Variants in NEGR1 observed in about 807,000 individuals in gnomAD.
NEGR1 encodes IgLON family member 4.
Under a neutral mutation model 40.9 loss-of-function variants are expected in NEGR1, and 10 were observed. The ratio of observed to expected loss-of-function variants is 0.24; its 90% CI spans 0.15 to 0.42. NEGR1 has a LOEUF of 0.42. Ranked by LOEUF, NEGR1 falls within the 10% of genes least tolerant of loss-of-function variation. NEGR1 has a pLI of 1.00. For missense variants in NEGR1, 352 were observed against 438.9 expected (o/e 0.80, Z 1.77); for synonymous variants, 185 against 166.8 (o/e 1.11, Z -0.84).
At chr1:71,782,755 G>A (rs1656762016) in intron 2 of NEGR1, among the ~76,000 whole-genome samples, 1 of 152,108 alleles carries the variant, frequency 6.6e-6, no homozygotes, top group Admixed American at 6.6e-5. Context: ...CTGAGAATAT[G>A]GTGAAAATGT....
rs77347586 is a variant in NEGR1, at chr1:71,646,872, A to G, written c.668-35726T>C. On this transcript the variant is annotated intron_variant, in intron 4 of 6. Transcript: ENST00000357731. Reference sequence around the variant, plus strand: ...ATACACAATTGAATTAACAATTCTAACATAAATTATTGTCCCTGCATATAT... The same window carrying G: ...ATACACAATTGAATTAACAATTCTAGCATAAATTATTGTCCCTGCATATAT... Among the ~76,000 whole-genome samples the G allele has an allele frequency of 2.0e-3, 304 of 152,012 alleles. 2 individuals are homozygous for G. In the Middle Eastern group the frequency reaches 0.02, roughly 10 times the overall value.
rs1289319588 is a variant in NEGR1, at chr1:71,405,408, G to A, written c.*2038C>T. On this transcript the variant is annotated 3_prime_UTR_variant, in exon 7 of 7. Coordinates refer to ENST00000357731, the MANE Select transcript of NEGR1 (RefSeq NM_173808.3). ...TTATGGAGTGTGCCACTTTAAAGCT[G>A]CAATACAAAATAATATTTTATAGTT... 6.6e-6 allele frequency: 1 copy of A among 152,038 alleles called. No homozygotes were observed. The highest frequency in any genetic ancestry group is 1.5e-5 in the Non-Finnish European group (1 of 67,716). 9.4% of individuals were successfully genotyped at this position (152,038 alleles called of 1,614,324 possible).
At chr1:72,161,587 C>A (rs1039728294) in intron 1 of NEGR1, among the ~76,000 whole-genome samples, 3 of 151,716 alleles carry the variant, frequency 2.0e-5, no homozygotes, top group African/African-American at 7.3e-5. Context: ...GAAACCCTAC[C>A]CTAGATGTAA....
chr1:71,555,768 C>T (rs1350152231), intron 6 of NEGR1, among the ~76,000 whole-genome samples: 2 of 151,456 alleles, frequency 1.3e-5, no homozygotes, highest in Non-Finnish European at 3.0e-5. Context: ...TTTGATACCC[C>T]TTTTTCGTTT....
At position 72,181,572 on chromosome 1, in the gene NEGR1, C is replaced by T. The variant is rs189032774; in HGVS notation, c.176+100747G>A. Among the ~76,000 whole-genome samples the T allele has an allele frequency of 2.2e-4, 34 of 152,056 alleles. 1 individual carries two copies. Among genetic ancestry groups the T allele is most frequent in the Admixed American group, 1.9e-3 (29 of 15,254 alleles). ...AGAAATCTCACTTTGAGGCATATAC[C>T]CACCCTACTCCCCAAAATGAAATCA... is the stretch of plus-strand genomic sequence containing the variant. On this transcript the variant is annotated intron_variant, in intron 1 of 6. Transcript: ENST00000357731.
At chr1:71,746,699 T>C (rs1240188600) in intron 3 of NEGR1, among the ~76,000 whole-genome samples, 1 of 151,858 alleles carries the variant, frequency 6.6e-6, no homozygotes, top group African/African-American at 2.4e-5. Context: ...TTGAAAAGAA[T>C]ATTTATAAAT....
At chr1:71,789,852 G>A (rs1358836513) in intron 2 of NEGR1, among the ~76,000 whole-genome samples, 2 of 151,978 alleles carry the variant, frequency 1.3e-5, no homozygotes, top group African/African-American at 2.4e-5. Flanking sequence ...TCTGAAAGGT[G>A]GAAAATCCAA....
chr1:72,018,035 A>AT (rs1307193584), intron 1 of NEGR1, among the ~76,000 whole-genome samples: 7 of 152,126 alleles, frequency 4.6e-5, no homozygotes, highest in Admixed American at 3.9e-4. Context: ...AGAGTCTAGG[A>AT]TTTTATCTGG....
chr1:71,772,729 AC>A (rs1292866676), intron 3 of NEGR1, among the ~76,000 whole-genome samples: 1 of 152,084 alleles, frequency 6.6e-6, no homozygotes, highest in East Asian at 1.9e-4. Context: ...GAGATAAAAA[AC>A]ACCTAGAGAT....
At chr1:71,729,198 A>G (rs762035623) in intron 3 of NEGR1, among the ~76,000 whole-genome samples, 4 of 151,926 alleles carry the variant, frequency 2.6e-5, no homozygotes, top group Non-Finnish European at 4.4e-5. Flanking sequence ...TGCTCCTCAC[A>G]CCACCAGTTG....
At chr1:72,099,322 A>G (rs1648838824) in intron 1 of NEGR1, among the ~76,000 whole-genome samples, 1 of 151,940 alleles carries the variant, frequency 6.6e-6, no homozygotes, top group Non-Finnish European at 1.5e-5. Context: ...GCTTACATTC[A>G]TTGTATATTT....
chr1:71,878,449 A>G lies in NEGR1; in HGVS notation c.409+56630T>C, dbSNP rs139894990. On this transcript the variant is annotated intron_variant, in intron 2 of 6. Coordinates refer to ENST00000357731, the MANE Select transcript of NEGR1 (RefSeq NM_173808.3). Reference sequence around the variant, plus strand: ...TTTGCATTGTTAACAAGTTCTCAGGAATGTTGTTATTGCTGGTTCAGCGAC... The same window carrying G: ...TTTGCATTGTTAACAAGTTCTCAGGGATGTTGTTATTGCTGGTTCAGCGAC... Among the ~76,000 whole-genome samples, 174 of 152,294 alleles carry G rather than the reference A, an allele frequency of 1.1e-3. 1 individual carries two copies. In the East Asian group the frequency reaches 0.019, roughly 17 times the overall value.
At chr1:71,710,639 C>A (rs371923852) in intron 3 of NEGR1, among the ~76,000 whole-genome samples, 2 of 152,008 alleles carry the variant, frequency 1.3e-5, no homozygotes, top group Admixed American at 6.6e-5. Context: ...GACAAACAAT[C>A]GCATGTTCTC....
intron 3 of NEGR1, among the ~76,000 whole-genome samples, chr1:71,767,183 T>A (rs1233019786): frequency 1.3e-5 from 2 of 151,444 alleles, no homozygotes; most frequent in East Asian, 3.9e-4. Flanking sequence ...GTTGGAAGAG[T>A]TTGGAGGGCC....
intron 1 of NEGR1, among the ~76,000 whole-genome samples, chr1:72,188,177 T>G (rs1652680966): frequency 6.6e-6 from 1 of 151,430 alleles, no homozygotes; most frequent in East Asian, 1.9e-4. Context: ...TAGCTGTGCT[T>G]GAAAATATCA....
chr1:71,706,887 T>G (rs1325854298), intron 3 of NEGR1, among the ~76,000 whole-genome samples: 2 of 151,912 alleles, frequency 1.3e-5, no homozygotes, highest in East Asian at 2.0e-4. Flanking sequence ...GCTTCTGAGA[T>G]TTGCTGGATT....
intron 6 of NEGR1, among the ~76,000 whole-genome samples, chr1:71,492,943 C>A (rs1646939151): frequency 6.6e-6 from 1 of 152,114 alleles, no homozygotes; most frequent in African/African-American, 2.4e-5. Flanking sequence ...TCTTTCCTCC[C>A]AAAATTGTTC....
At chr1:72,240,259 C>T (rs909387614) in intron 1 of NEGR1, among the ~76,000 whole-genome samples, 3 of 151,794 alleles carry the variant, frequency 2.0e-5, no homozygotes, top group Non-Finnish European at 2.9e-5. Context: ...TAACAGCAGA[C>T]CATCCACATC....
intron 2 of NEGR1, among the ~76,000 whole-genome samples, chr1:71,897,845 T>C (rs781287016): frequency 2.6e-5 from 4 of 152,194 alleles, no homozygotes; most frequent in African/African-American, 4.8e-5. Context: ...CAGGCATAAC[T>C]GAACATTTAT....
Sources: allele counts gnomAD v4.1 joint callset (sites outside exome capture counted in the v4.1 genomes callset), GRCh38; gene constraint gnomAD v4.1.1; transcripts MANE v1.5; gene names NCBI Gene and HGNC (gene_info 2026-07-23, HGNC 2026-07-21).